The following APP variants were observed in gnomAD, a reference collection of about 807,000 sequenced individuals.
The protein encoded by APP is amyloid-beta precursor protein.
In APP, 31 loss-of-function variants were observed where a neutral mutation model predicts 101.4. That is an observed-to-expected ratio of 0.31 (90% confidence interval 0.23 to 0.41). The LOEUF is 0.41. Among genes scored for constraint, APP ranks in the 10% least tolerant of loss-of-function variants. The pLI, the probability that APP is intolerant of heterozygous loss-of-function variation, is 1.00. For synonymous variants in APP, 366 were observed against 364.4 expected (o/e 1.00, Z -0.05); for missense variants, 839 against 1,003.7 (o/e 0.84, Z 2.22).
intron 5 of APP, among the ~76,000 whole-genome samples, chr21:26,032,805 AATAT>A (rs10532653): frequency 8.0e-6 from 1 of 124,442 alleles, no homozygotes; most frequent in Non-Finnish European, 1.9e-5. Context: ...AAAAAAAAAA[AATAT>A]ATATATATAT....
chr21:25,917,724 T>C (rs1021936672), intron 13 of APP, among the ~76,000 whole-genome samples: 2 of 152,180 alleles, frequency 1.3e-5, no homozygotes, highest in African/African-American at 2.4e-5. Context: ...CACTCAGCCT[T>C]TTCCCTGTAA....
intron 5 of APP, among the ~76,000 whole-genome samples, chr21:26,022,920 G>A (rs1187132447): frequency 1.4e-5 from 2 of 147,786 alleles, no homozygotes; most frequent in East Asian, 4.1e-4. Flanking sequence ...GGTGGAAGAT[G>A]AAACTGACTT....
intron 3 of APP, among the ~76,000 whole-genome samples, chr21:26,070,286 T>C (rs991818558): frequency 6.6e-6 from 1 of 152,216 alleles, no homozygotes; most frequent in Non-Finnish European, 1.5e-5. Context: ...AATCACCACT[T>C]AGATTTGTAA....
chr21:25,982,211 T>C, intron 9 of APP, 133 bp downstream of exon 9: 2 of 1,052,902 alleles, frequency 1.9e-6, no homozygotes, highest in Admixed American at 3.7e-5. Context: ...GCCCACACAG[T>C]AAACATTTAA....
intron 3 of APP, among the ~76,000 whole-genome samples, chr21:26,084,782 A>AATAACGTATG (rs142296159): frequency 0.014 from 2,104 of 152,314 alleles, 47 homozygotes; most frequent in African/African-American, 0.048. Flanking sequence ...AGATCGTATG[A>AATAACGTATG]ATGAACGTTA....
intron 3 of APP, among the ~76,000 whole-genome samples, chr21:26,074,732 CAG>C (rs2061471764): frequency 6.8e-6 from 1 of 147,300 alleles, no homozygotes; most frequent in Non-Finnish European, 1.5e-5. Flanking sequence ...GCCTGGGTGA[CAG>C]AGAGACTGTG....
intron 5 of APP, among the ~76,000 whole-genome samples, chr21:26,028,452 G>A (rs1486031148): frequency 6.6e-6 from 1 of 152,018 alleles, no homozygotes; most frequent in Non-Finnish European, 1.5e-5. Flanking sequence ...GGATGAGGCA[G>A]GAATATCCAC....
At chr21:26,168,053 C>T (rs985797566) in intron 1 of APP, among the ~76,000 whole-genome samples, 5 of 151,970 alleles carry the variant, frequency 3.3e-5, no homozygotes, top group African/African-American at 1.2e-4. Flanking sequence ...CTAGGTTAAA[C>T]CCTCAACAGA....
intron 5 of APP, among the ~76,000 whole-genome samples, chr21:26,050,595 C>T (rs532663057): frequency 1.3e-5 from 2 of 152,118 alleles, no homozygotes; most frequent in East Asian, 3.9e-4. Context: ...ACAGAGAACG[C>T]CCAAAATCTC....
chr21:25,947,579 TAG>T (rs1013455059), intron 13 of APP, among the ~76,000 whole-genome samples: 2 of 152,236 alleles, frequency 1.3e-5, no homozygotes, highest in African/African-American at 4.8e-5. Flanking sequence ...GATATACATT[TAG>T]ACACAGGCAG....
intron 2 of APP, among the ~76,000 whole-genome samples, chr21:26,109,229 GCT>G (rs1568985803): frequency 6.6e-6 from 1 of 152,200 alleles, no homozygotes; most frequent in Non-Finnish European, 1.5e-5. Context: ...ATACAGTTTG[GCT>G]CTGTGTCCCT....
chr21:26,026,320 A>G (rs1467494865), intron 5 of APP, among the ~76,000 whole-genome samples: 4 of 152,378 alleles, frequency 2.6e-5, no homozygotes, highest in Non-Finnish European at 5.9e-5. Flanking sequence ...CCATCTGAAA[A>G]TGCTGACCAT....
chr21:25,977,344 A>C (rs1205427009), intron 9 of APP, among the ~76,000 whole-genome samples: 1 of 152,208 alleles, frequency 6.6e-6, no homozygotes, highest in East Asian at 1.9e-4. Flanking sequence ...CAAGGAAACA[A>C]AATATTGGTT....
intron 5 of APP, among the ~76,000 whole-genome samples, chr21:26,030,523 G>A (rs2044772766): frequency 6.6e-6 from 1 of 152,146 alleles, no homozygotes; most frequent in African/African-American, 2.4e-5. Context: ...ATGTTTAAAG[G>A]GGGAAAATGA....
At chr21:25,948,025 AG>A (rs2040902762) in intron 13 of APP, among the ~76,000 whole-genome samples, 1 of 150,310 alleles carries the variant, frequency 6.7e-6, no homozygotes, top group Non-Finnish European at 1.5e-5. Context: ...AAAAAAAAAA[AG>A]TTCTTATGTC....
intron 3 of APP, among the ~76,000 whole-genome samples, chr21:26,058,416 T>C (rs2046127654): frequency 6.6e-6 from 1 of 152,152 alleles, no homozygotes; most frequent in South Asian, 2.1e-4. Context: ...CTGGAATTCT[T>C]TTAGAAAGGA....
chr21:26,020,503 T>C (rs138725707), intron 6 of APP, among the ~76,000 whole-genome samples: 3,218 of 152,226 alleles, frequency 0.021, 59 homozygotes, highest in Non-Finnish European at 0.032. Flanking sequence ...ATGAATATAG[T>C]TGAGGGAGAC....
Position 26,029,121 on chromosome 21 carries a change from T to C in APP, c.663-7079A>G, listed in dbSNP as rs151030999. On this transcript the variant is annotated intron_variant, in intron 5 of 17. Transcript: ENST00000346798. ...ACAAAGGGCCAGTGAGCTTAGGGAG[T>C]AGCAGATGAGGGAGGAAGTATAAGA... 7.2e-5 allele frequency among the ~76,000 whole-genome samples: 11 copies of C among 151,730 alleles called. No individual in the cohort carries two copies. The East Asian group carries it at 2.1e-3, about 30-fold the overall frequency.
At position 26,148,126 on chromosome 21, in the gene APP, A is replaced by G. The variant is rs1423638748; in HGVS notation, c.57+22438T>C. Among the ~76,000 whole-genome samples the G allele has an allele frequency of 5.3e-5, 8 of 152,234 alleles. 1 individual carries two copies. Among genetic ancestry groups the G allele is most frequent in the Admixed American group, 4.6e-4 (7 of 15,286 alleles). ...CATGAGCATTACCCACCATTTCAGG[A>G]AGCCTCTGCAAGTGGAGAAGCCACA... On this transcript the variant is annotated intron_variant, in intron 1 of 17. Transcript: ENST00000346798.
Sources: allele counts gnomAD v4.1 joint callset (sites outside exome capture counted in the v4.1 genomes callset), GRCh38; gene constraint gnomAD v4.1.1; transcripts MANE v1.5; gene names NCBI Gene and HGNC (gene_info 2026-07-23, HGNC 2026-07-21).